CCNL1: variants seen among roughly 807,000 people sequenced by gnomAD.
CCNL1 encodes the protein cyclin L1.
In CCNL1, 13 loss-of-function variants were observed where a neutral mutation model predicts 60.6. That is an observed-to-expected ratio of 0.21 (90% CI 0.14 to 0.34). The LOEUF (loss-of-function observed/expected upper bound fraction) is 0.34, where lower values mean the gene tolerates loss of function less well. Among genes scored for constraint, CCNL1 ranks in the 10% least tolerant of loss-of-function variants. The probability of loss-of-function intolerance (pLI) is 1.00; values close to 1 mark genes in which losing one functional copy is unlikely to be tolerated. For synonymous variants in CCNL1, 270 were observed against 244.3 expected, an observed-to-expected ratio of 1.10 and a Z score of -0.98; for missense variants, 481 against 664.3, an observed-to-expected ratio of 0.72 and a Z score of 3.03.
At position 157,150,309 on chromosome 3, in the gene CCNL1, G is replaced by A. The variant is rs1000674054; in HGVS notation, c.747C>T (p.Cys249=). 6.2e-7 allele frequency: 1 copy of A among 1,613,980 alleles called. No homozygotes were observed. Among genetic ancestry groups the A allele is most frequent in the Non-Finnish European group, 8.5e-7 (1 of 1,179,906 alleles). The change falls in exon 6 of 11, where the codon TGC becomes TGT. Residue 249 remains cysteine (C), a synonymous_variant. Coordinates refer to ENST00000295926, the MANE Select transcript of CCNL1 (RefSeq NM_020307.4). ...RFQPETIACA[C]IYLAARALQI... is the part of the protein sequence containing the mutation. ...GAAGTGCTCTAGCTGCAAGGTAGAT[G>A]CAAGCACATGCTATAGTCTCTGGTT...
At chr3:157,153,281 A>G in intron 3 of CCNL1, 125 bp from the exon 4 acceptor site, 1 of 860,858 alleles carries the variant, frequency 1.2e-6, no homozygotes, top group Non-Finnish European at 1.8e-6. Context: ...ACTCCTGCAA[A>G]CAAGTTAAAG....
intron 5 of CCNL1, chr3:157,151,091 A>C: frequency 1.0e-6 from 1 of 984,940 alleles, no homozygotes; most frequent in Non-Finnish European, 1.2e-6. Context: ...GCTGAAATTA[A>C]ATGGACTATT....
Position 157,158,923 on chromosome 3 carries a change from C to T in CCNL1, c.431G>A (p.Arg144Lys). 1 of 1,613,652 alleles carries T rather than the reference C, an allele frequency of 6.2e-7. No homozygotes were observed. Among genetic ancestry groups the T allele is most frequent in the Non-Finnish European group, 8.5e-7 (1 of 1,179,888 alleles). Residue 144 changes from arginine (R) to lysine (K), a missense_variant, in exon 3 of 11, where the codon AGA becomes AAA. Transcript: ENST00000295926. ...NLASKIEEAP[R>K]RIRDVINVFH... ...TACATTAATCACATCTCTTATTCTT[C>T]TAGGTGCTTCTTCGATTTTTGATGC...
intron 4 of CCNL1, chr3:157,152,513 G>A (rs956455437): frequency 4.4e-6 from 5 of 1,127,564 alleles, no homozygotes; most frequent in Non-Finnish European, 4.3e-6. Context: ...GATGGGCACC[G>A]TGCTAGATTA....
At position 157,148,368 on chromosome 3, in the gene CCNL1, G is replaced by T; in HGVS notation, c.1454C>A (p.Ala485Asp). The change falls in exon 11 of 11, where the codon GCC becomes GAC. Residue 485 changes from alanine (A) to aspartate (D), a missense_variant. This residue lies in a region of CCNL1 where 197 missense variants were observed against 233.9 expected (regional missense o/e 0.84). Transcript: ENST00000295926. ...QSKSRDHSDA[A>D]KKHRHERGHH... ...TCCCCTTTCATGCCTGTGTTTCTTG[G>T]CTGCATCTGAGTGATCCCGAGACTT... 1 of 1,614,180 alleles carries T rather than the reference G, an allele frequency of 6.2e-7. No individual in the cohort carries two copies. The highest frequency in any genetic ancestry group is 8.5e-7 in the Non-Finnish European group (1 of 1,180,030).
chr3:157,156,902 A>C (rs1738670881), intron 3 of CCNL1: 1 of 1,284,744 alleles, frequency 7.8e-7, no homozygotes, highest in South Asian at 1.2e-5. Flanking sequence ...AACAAGAAAC[A>C]GGAGTTTTTC....
chr3:157,159,610 C>G (rs1738915582), intron 1 of CCNL1, 131 bp from the exon 2 acceptor site: 3 of 1,012,114 alleles, frequency 3.0e-6, no homozygotes, highest in Non-Finnish European at 2.9e-6. Flanking sequence ...AGCCCGCTGC[C>G]AAGTCCTCCC....
intron 4 of CCNL1, 55 bp from the exon 5 acceptor site, chr3:157,152,296 A>G (rs1738252843): frequency 6.3e-7 from 1 of 1,575,200 alleles, no homozygotes; most frequent in South Asian, 1.2e-5. Context: ...CTTTCGGAGT[A>G]GAGTTCAATG....
chr3:157,148,125 G>A lies in CCNL1; in HGVS notation c.*116C>T. On this transcript the variant is annotated 3_prime_UTR_variant, in exon 11 of 11. Transcript: ENST00000295926. ...GTCCTCAGTGTTCTAGAGACCTAGA[G>A]GGTTTCAAGAAATCAAATCCTAATC... 5 of 1,458,982 alleles carry A rather than the reference G, an allele frequency of 3.4e-6. No homozygotes were observed. The highest frequency in any genetic ancestry group is 3.6e-6 in the Non-Finnish European group (4 of 1,105,910). 90.4% of individuals were successfully genotyped at this position (1,458,982 alleles called of 1,614,324 possible). A position where few individuals can be genotyped will look rare whatever the true frequency, so the allele number is the denominator to read the frequency against.
At position 157,153,057 on chromosome 3, in the gene CCNL1, A is replaced by G; in HGVS notation, c.588T>C (p.Val196=). 1 of 1,613,600 alleles carries G rather than the reference A, an allele frequency of 6.2e-7. No homozygotes were observed. The highest frequency in any genetic ancestry group is 8.5e-7 in the Non-Finnish European group (1 of 1,179,648). The part of the protein sequence containing the change: ...RRVLKELGFC[V]HVKHPHKIIV... ...TCACCTTATGAGGATGCTTGACATG[A>G]ACACAAAATCCCAACTCCTTTAGCA... is the stretch of plus-strand genomic sequence containing the variant. Residue 196 remains valine, a synonymous_variant, in exon 4 of 11, where the codon GTT becomes GTC. Transcript: ENST00000295926.
chr3:157,144,982 TA>T (rs1212251052), downstream of CCNL1, among the ~76,000 whole-genome samples: 4 of 152,188 alleles, frequency 2.6e-5, no homozygotes, highest in Non-Finnish European at 5.9e-5. Flanking sequence ...TAAAAGCTAT[TA>T]AAGCAAAACC....
downstream of CCNL1, among the ~76,000 whole-genome samples, chr3:157,144,352 A>C (rs904705098): frequency 6.6e-6 from 1 of 152,224 alleles, no homozygotes; most frequent in Non-Finnish European, 1.5e-5. Flanking sequence ...TTCCAATATG[A>C]AGTCTGGATT....
intron 3 of CCNL1, 79 bp downstream of exon 3, chr3:157,158,782 TGAAAG>T: frequency 2.4e-6 from 2 of 850,016 alleles, no homozygotes; most frequent in South Asian, 1.6e-5. Context: ...CGTATTCACT[TGAAAG>T]GAAAGATGTT....
intron 5 of CCNL1, 84 bp downstream of exon 5, chr3:157,152,093 T>C: frequency 6.4e-7 from 1 of 1,564,380 alleles, no homozygotes; most frequent in Non-Finnish European, 8.6e-7. Context: ...ACTTATCTCA[T>C]TATTTTGGAA....
At chr3:157,159,567 CT>C in intron 1 of CCNL1, 88 bp from the exon 2 acceptor site, 1 of 1,292,442 alleles carries the variant, frequency 7.7e-7, no homozygotes, top group Non-Finnish European at 1.1e-6. Context: ...GATCGCTTCC[CT>C]TTCCCCTCCC....
At position 157,153,583 on chromosome 3, in the gene CCNL1, T is replaced by C. The variant is rs545736245; in HGVS notation, c.489-427A>G. The stretch of plus-strand genomic sequence containing the variant: ...ATGGTAGTGGGTTATCAGAACTTAC[T>C]AATATCAGTGTCACTAAAGTTGGTA... On this transcript the variant is annotated intron_variant, in intron 3 of 10. Coordinates refer to ENST00000295926, the MANE Select transcript of CCNL1 (RefSeq NM_020307.4). 4.8e-4 allele frequency: 74 copies of C among 155,290 alleles called. No individual in the cohort carries two copies. In the Middle Eastern group the frequency reaches 0.013, roughly 28 times the overall value. The allele number at this position is 155,290 out of a possible 1,614,324, so 9.6% of individuals were successfully genotyped here. A position where few individuals can be genotyped will look rare whatever the true frequency, so the allele number is the denominator to read the frequency against.
intron 5 of CCNL1, chr3:157,151,292 A>G (rs1207980336): frequency 8.1e-6 from 8 of 985,530 alleles, no homozygotes; most frequent in African/African-American, 1.7e-5. Context: ...TACTTCACTA[A>G]GTCCTTCACA....
Position 157,147,601 on chromosome 3 carries a change from C to T in CCNL1, c.*640G>A, listed in dbSNP as rs142755874. 9 of 985,278 alleles carry T rather than the reference C, an allele frequency of 9.1e-6. No individual in the cohort carries two copies. In the East Asian group the frequency reaches 4.5e-4, roughly 50 times the overall value. The allele number at this position is 985,278 out of a possible 1,614,324, so 61.0% of individuals were successfully genotyped here. On this transcript the variant is annotated 3_prime_UTR_variant, in exon 11 of 11. Coordinates refer to ENST00000295926, the MANE Select transcript of CCNL1 (RefSeq NM_020307.4). ...TAACATTTAATGTCACATTGTTGGG[C>T]GACTCCCATTTACTTTTTCCATATA...
chr3:157,147,550 AG>A (rs1160651708), downstream of CCNL1: 1 of 983,082 alleles, frequency 1.0e-6, no homozygotes, highest in East Asian at 1.1e-4. Flanking sequence ...AAAGCAAATC[AG>A]GTTTTTTGGT....
Sources: allele counts gnomAD v4.1 joint callset (sites outside exome capture counted in the v4.1 genomes callset), GRCh38; gene constraint gnomAD v4.1.1; regional missense constraint gnomAD v4.1.1; transcripts MANE v1.5; gene names NCBI Gene and HGNC (gene_info 2026-07-23, HGNC 2026-07-21).